The following ARSG variants were observed in gnomAD, a reference collection of about 807,000 sequenced individuals.
ARSG encodes arylsulfatase G, also known as ASG.
In ARSG, 37 loss-of-function variants were observed where a neutral mutation model predicts 50.5. The ratio of observed to expected loss-of-function variants is 0.73; its 90% CI spans 0.56 to 0.96. The LOEUF (loss-of-function observed/expected upper bound fraction) is 0.96. Among genes scored for constraint, ARSG ranks in the 50% least tolerant of loss-of-function variants. ARSG has a pLI of 0.00. For synonymous variants in ARSG, 225 were observed against 254.6 expected, an observed-to-expected ratio of 0.88 and a Z score of 1.11; for missense variants, 629 against 675.3, an observed-to-expected ratio of 0.93 and a Z score of 0.76.
chr17:68,444,660 C>A, the ARSG span: 2 of 1,281,474 alleles, frequency 1.6e-6, no homozygotes, highest in Non-Finnish European at 2.2e-6. Flanking sequence ...CCAAATCATT[C>A]ATCTTTCATA....
At chr17:68,355,713 A>G (rs2079002457) in intron 5 of ARSG, among the ~76,000 whole-genome samples, 1 of 150,250 alleles carries the variant, frequency 6.7e-6, no homozygotes, top group Non-Finnish European at 1.5e-5. Context: ...AAGTATTGGG[A>G]TTACAGGCGT....
At chr17:68,270,553 CAAA>C (rs1318666864) in intron 1 of ARSG, among the ~76,000 whole-genome samples, 3 of 84,254 alleles carry the variant, frequency 3.6e-5, no homozygotes, top group African/African-American at 4.5e-5. Flanking sequence ...GACTCCATCT[CAAA>C]AAAAAAAAAA....
intron 6 of ARSG, among the ~76,000 whole-genome samples, chr17:68,366,673 ATGTATGTGTG>A (rs1030450793): frequency 3.0e-5 from 4 of 134,872 alleles, no homozygotes; most frequent in African/African-American, 8.3e-5. Flanking sequence ...CTAGGAATTT[ATGTATGTGTG>A]TGTGTGTGTG....
rs774732169 is a variant in ARSG at position 68,420,438 on chromosome 17, T to C, written c.1553T>C (p.Ile518Thr). The change falls in exon 12 of 12, where the codon ATT becomes ACT. Residue 518 changes from isoleucine (I) to threonine (T), a missense_variant. Ile to Thr is a moderately conservative substitution (Grantham distance 89). Transcript: ENST00000621439. ...SVTPCCNPYQ[I>T]ACRCQAA ...ACTCCCTGCTGTAATCCCTACCAAATTGCCTGCCGCTGTCAAGCCGCATAA... is the reference window on the plus strand; with the variant it reads ...ACTCCCTGCTGTAATCCCTACCAAACTGCCTGCCGCTGTCAAGCCGCATAA... The C allele has an allele frequency of 6.2e-7, 1 of 1,614,060 alleles. No individual in the cohort carries two copies. The highest frequency in any genetic ancestry group is 8.5e-7 in the Non-Finnish European group (1 of 1,179,900).
intron 6 of ARSG, among the ~76,000 whole-genome samples, chr17:68,358,048 C>A (rs1322709783): frequency 6.6e-6 from 1 of 151,640 alleles, no homozygotes; most frequent in Non-Finnish European, 1.5e-5. Flanking sequence ...ACAAGCAATA[C>A]AAAAATTAGC....
intron 8 of ARSG, among the ~76,000 whole-genome samples, chr17:68,374,029 C>T (rs1227754278): frequency 2.0e-5 from 3 of 151,624 alleles, no homozygotes; most frequent in African/African-American, 7.3e-5. Flanking sequence ...TGGTGGCGGG[C>T]ACCTGTAGTC....
intron 2 of ARSG, among the ~76,000 whole-genome samples, chr17:68,333,869 A>G (rs1183405508): frequency 6.6e-6 from 1 of 152,078 alleles, no homozygotes; most frequent in Non-Finnish European, 1.5e-5. Context: ...CCACATCCAC[A>G]TCCTGGGCTC....
chr17:68,351,306 A>G (rs764197205), intron 4 of ARSG, among the ~76,000 whole-genome samples: 4 of 151,940 alleles, frequency 2.6e-5, no homozygotes, highest in East Asian at 1.9e-4. Flanking sequence ...TGAAGATGTT[A>G]GGCATTCAAT....
Position 68,391,492 on chromosome 17 carries a change from T to G in ARSG, c.1092-3581T>G, listed in dbSNP as rs535498278. ...GAACATTAGACTTAGTGCTCTATAA[T>G]TGGGATGCTAAACCTCAGGAGAGAG... On this transcript the variant is annotated intron_variant, in intron 9 of 11. Transcript: ENST00000621439. Among the ~76,000 whole-genome samples the G allele has an allele frequency of 1.1e-4, 16 of 152,240 alleles. 1 individual carries two copies. In the South Asian group the frequency reaches 3.3e-3, roughly 32 times the overall value.
At chr17:68,352,107 G>C (rs1446534654) in intron 5 of ARSG, among the ~76,000 whole-genome samples, 11 of 129,266 alleles carry the variant, frequency 8.5e-5, no homozygotes, top group African/African-American at 2.3e-4. Context: ...GAGAGAGAGA[G>C]AGAGAGACAG....
At chr17:68,298,612 AAAAAGAG>A (rs2076293970) in intron 1 of ARSG, among the ~76,000 whole-genome samples, 3 of 151,420 alleles carry the variant, frequency 2.0e-5, no homozygotes, top group Admixed American at 2.0e-4. Flanking sequence ...AAAAAAAAAA[AAAAAGAG>A]AAGAACACTA....
chr17:68,445,731 CA>C, the ARSG span, among the ~76,000 whole-genome samples: 1 of 152,216 alleles, frequency 6.6e-6, no homozygotes, highest in Non-Finnish European at 1.5e-5. Context: ...TAGCCCAGTA[CA>C]AGGGCAGACA....
chr17:68,261,923 C>CAGGT (rs1260380794), intron 1 of ARSG, among the ~76,000 whole-genome samples: 14 of 149,646 alleles, frequency 9.4e-5, no homozygotes, highest in Non-Finnish European at 1.5e-4. Context: ...GAGGCTGAAG[C>CAGGT]AGGTAGATCA....
At chr17:68,289,594 G>A (rs1404115017), upstream of ARSG, among the ~76,000 whole-genome samples, 1 of 152,148 alleles carries the variant, frequency 6.6e-6, no homozygotes, top group African/African-American at 2.4e-5. Context: ...TCTGGCCCAA[G>A]TTGTCAAAAC....
At chr17:68,396,923 A>G (rs2081273227) in intron 10 of ARSG, among the ~76,000 whole-genome samples, 1 of 152,150 alleles carries the variant, frequency 6.6e-6, no homozygotes, top group Admixed American at 6.5e-5. Flanking sequence ...GTTGGAAGTT[A>G]GCAGTATGTG....
At position 68,271,219 on chromosome 17, in the gene ARSG, T is replaced by A. The variant is rs547684157; in HGVS notation, c.-552+11793T>A. 6.2e-7 allele frequency: 1 copy of A among 1,614,086 alleles called. No individual in the cohort carries two copies. Among genetic ancestry groups the A allele is most frequent in the South Asian group, 1.1e-5 (1 of 91,078 alleles). ...CAGACTAATGCCCAGAGGAATGATGTACAAGGAAGGTGCAAAGAATCCCAG... is the reference window on the plus strand; with the variant it reads ...CAGACTAATGCCCAGAGGAATGATGAACAAGGAAGGTGCAAAGAATCCCAG... On this transcript the variant is annotated intron_variant, in intron 1 of 11. Coordinates refer to the ARSG transcript ENST00000448504. This position sits in a 1 kb window ranked among gnomAD's most constrained non-coding sequence, Gnocchi z 5.3.
chr17:68,347,350 C>T (rs1238597726), intron 4 of ARSG, among the ~76,000 whole-genome samples, 178 bp downstream of exon 4: 1 of 152,162 alleles, frequency 6.6e-6, no homozygotes, highest in African/African-American at 2.4e-5. Context: ...CCTTACATCC[C>T]ACTTGCTGGC....
At chr17:68,426,039 G>A, downstream of ARSG, 1 of 1,581,464 alleles carries the variant, frequency 6.3e-7, no homozygotes. Flanking sequence ...TAAGCACACA[G>A]ACTGAGCCGC....
At chr17:68,433,488 CT>C in the ARSG span, 1 of 1,613,924 alleles carries the variant, frequency 6.2e-7, no homozygotes. Flanking sequence ...CCTGTTCCAG[CT>C]TGAAGATGTG....
Sources: gnomAD v4.1 joint callset for allele counts (sites outside exome capture counted in the v4.1 genomes callset) on GRCh38, gnomAD v4.1.1 for gene constraint, Gnocchi (gnomAD v3.1) non-coding constraint, MANE v1.5 for transcripts, NCBI Gene and HGNC (gene_info 2026-07-23, HGNC 2026-07-21) for gene names.